The following FSD1L variants were observed in gnomAD, a reference collection of about 807,000 sequenced individuals.
The protein encoded by FSD1L is FSD1-like protein.
Under a neutral mutation model 71.6 loss-of-function variants are expected in FSD1L, and 45 were observed. That is an observed-to-expected ratio of 0.63 (90% CI 0.49 to 0.81). The LOEUF (loss-of-function observed/expected upper bound fraction) is 0.81. Ranked by LOEUF, FSD1L falls within the 30% of genes least tolerant of loss-of-function variation. FSD1L has a pLI of 0.00. For missense variants in FSD1L, 561 were observed against 618.1 expected, an observed-to-expected ratio of 0.91 and a Z score of 0.98; for synonymous variants, 197 against 207.2, an observed-to-expected ratio of 0.95 and a Z score of 0.42.
At chr9:105,445,968 C>T (rs1829633280), upstream of FSD1L, among the ~76,000 whole-genome samples, 1 of 152,216 alleles carries the variant, frequency 6.6e-6, no homozygotes, top group African/African-American at 2.4e-5. Context: ...CTTAGCCAAG[C>T]TCTTCTTTTC....
chr9:105,532,961 A>G (rs915637441), intron 10 of FSD1L, among the ~76,000 whole-genome samples: 1 of 152,222 alleles, frequency 6.6e-6, no homozygotes, highest in Admixed American at 6.5e-5. Context: ...AATGAATCAT[A>G]TGAAATGACT....
intron 10 of FSD1L, chr9:105,522,918 G>A: frequency 1.2e-6 from 2 of 1,612,180 alleles, no homozygotes; most frequent in South Asian, 1.1e-5. Flanking sequence ...TGACCCAGGT[G>A]TGCCCTCAGA....
chr9:105,509,933 A>G (rs1334332199), intron 9 of FSD1L, among the ~76,000 whole-genome samples: 1 of 152,230 alleles, frequency 6.6e-6, no homozygotes, highest in African/African-American at 2.4e-5. Flanking sequence ...TTTTTAGCCC[A>G]TCAAGTAAAA....
chr9:105,514,731 A>C (rs1007933912), intron 10 of FSD1L, among the ~76,000 whole-genome samples: 2 of 152,110 alleles, frequency 1.3e-5, no homozygotes, highest in African/African-American at 2.4e-5. Context: ...CCAGTGTTCA[A>C]TTTTTCCCAA....
chr9:105,521,714 C>A (rs1344025187), intron 10 of FSD1L: 23 of 1,612,870 alleles, frequency 1.4e-5, no homozygotes, highest in Non-Finnish European at 1.8e-5. Context: ...AAAATGGGAC[C>A]AATACTGCTG....
chr9:105,461,348 A>G (rs1228033477), intron 1 of FSD1L, among the ~76,000 whole-genome samples, 172 bp from the exon 2 acceptor site: 1 of 151,894 alleles, frequency 6.6e-6, no homozygotes, highest in Non-Finnish European at 1.5e-5. Flanking sequence ...AATTTTGAAC[A>G]CTCCGTACCA....
chr9:105,486,629 C>T (rs1473837712), intron 7 of FSD1L, among the ~76,000 whole-genome samples: 1 of 152,096 alleles, frequency 6.6e-6, no homozygotes, highest in Non-Finnish European at 1.5e-5. Context: ...TTCAGAATTT[C>T]ACCCTTCTTC....
chr9:105,521,393 A>G (rs897904231), intron 10 of FSD1L: 28 of 1,613,624 alleles, frequency 1.7e-5, no homozygotes, highest in Non-Finnish European at 2.4e-5. Context: ...AACCTAGCTC[A>G]TCTAGTCTCT....
At position 105,539,619 on chromosome 9, in the gene FSD1L, G is replaced by C. The variant is rs573942426; in HGVS notation, c.1467+268G>C. On this transcript the variant is annotated intron_variant, in intron 13 of 13. Coordinates refer to ENST00000481272, the MANE Select transcript of FSD1L (RefSeq NM_001145313.3). ...ATAGGACTGCACTCATGTGTAACTA[G>C]CACTTAGAACATTACGAGAACCTCA... Among the ~76,000 whole-genome samples, 5 of 151,994 alleles carry C rather than the reference G, an allele frequency of 3.3e-5. No homozygotes were observed. In the East Asian group the frequency reaches 9.7e-4, roughly 29 times the overall value.
At chr9:105,472,085 G>T in intron 5 of FSD1L, 80 bp downstream of exon 5, 2 of 1,344,730 alleles carry the variant, frequency 1.5e-6, no homozygotes, top group South Asian at 3.8e-5. Context: ...TTTAGTTTTG[G>T]ATTTCTTTAC....
intron 10 of FSD1L, among the ~76,000 whole-genome samples, chr9:105,527,809 A>G (rs1835616735): frequency 1.3e-5 from 2 of 152,166 alleles, no homozygotes; most frequent in Admixed American, 1.3e-4. Flanking sequence ...ATCAGGCAAG[A>G]GAAAGAAATA....
intron 6 of FSD1L, among the ~76,000 whole-genome samples, chr9:105,480,550 C>T (rs1428529159): frequency 6.6e-6 from 1 of 152,152 alleles, no homozygotes; most frequent in African/African-American, 2.4e-5. Flanking sequence ...ACTTGGCCTC[C>T]CAAAGTGCTG....
intron 1 of FSD1L, among the ~76,000 whole-genome samples, chr9:105,456,416 T>C (rs1338773816): frequency 1.3e-5 from 2 of 152,248 alleles, no homozygotes; most frequent in African/African-American, 2.4e-5. Flanking sequence ...CTTAAGATAG[T>C]ACTTGGCACT....
chr9:105,480,838 C>T (rs1163132609), intron 6 of FSD1L, among the ~76,000 whole-genome samples: 1 of 152,126 alleles, frequency 6.6e-6, no homozygotes, highest in Non-Finnish European at 1.5e-5. Context: ...GTTTAGCTAC[C>T]TATCCCACTG....
chr9:105,448,086 ACGGGTGGGGC>A lies in FSD1L; in HGVS notation c.-130_-121del. ...TACGGCGCGCGCGGTCTGGGCGCGG[ACGGGTGGGGC>A]CGGGCGGTGCCGGTGCGGGCTGGGG... On this transcript the variant is annotated 5_prime_UTR_variant, in exon 1 of 14. Coordinates refer to ENST00000481272, the MANE Select transcript of FSD1L (RefSeq NM_001145313.3). 1 of 1,009,076 alleles carries A rather than the reference ACGGGTGGGGC, an allele frequency of 9.9e-7. No homozygotes were observed. The highest frequency in any genetic ancestry group is 1.5e-6 in the Non-Finnish European group (1 of 669,484). The allele number at this position is 1,009,076 out of a possible 1,614,324, so 62.5% of individuals were successfully genotyped here.
chr9:105,520,996 A>G (rs1010337830), intron 10 of FSD1L: 76 of 1,611,806 alleles, frequency 4.7e-5, no homozygotes, highest in Non-Finnish European at 6.3e-5. Flanking sequence ...AAGAAATATT[A>G]CTTGCCTTAT....
intron 9 of FSD1L, among the ~76,000 whole-genome samples, chr9:105,511,520 T>C (rs1256297308): frequency 6.6e-6 from 1 of 152,148 alleles, no homozygotes. Flanking sequence ...TTTCTGTTTT[T>C]ACTAAAAAGC....
intron 7 of FSD1L, among the ~76,000 whole-genome samples, chr9:105,491,585 A>G (rs896445329): frequency 1.3e-5 from 2 of 152,108 alleles, no homozygotes; most frequent in African/African-American, 4.8e-5. Context: ...CCAGTTTTCA[A>G]AGGGAATGCT....
chr9:105,498,043 C>T (rs527709180), intron 7 of FSD1L, among the ~76,000 whole-genome samples: 94 of 152,034 alleles, frequency 6.2e-4, no homozygotes, highest in African/African-American at 2.2e-3. Flanking sequence ...TGGGGTCTTA[C>T]TGTGTTGCCT....
Sources: allele counts gnomAD v4.1 joint callset (sites outside exome capture counted in the v4.1 genomes callset), GRCh38; gene constraint gnomAD v4.1.1; transcripts MANE v1.5; gene names NCBI Gene and HGNC (gene_info 2026-07-23, HGNC 2026-07-21).